Variants in ACADM observed in about 807,000 individuals in gnomAD.
ACADM encodes the protein medium-chain specific acyl-CoA dehydrogenase, mitochondrial.
In ACADM, 49 loss-of-function variants were observed where a neutral mutation model predicts 58.9. The observed-to-expected ratio is 0.83, with a 90% CI of 0.66 to 1.06. The LOEUF (loss-of-function observed/expected upper bound fraction) is 1.06. ACADM is among the 50% of genes least tolerant of loss of function. The pLI, the probability that ACADM is intolerant of heterozygous loss-of-function variation, is 0.00. For synonymous variants in ACADM, 160 were observed against 157.7 expected, an observed-to-expected ratio of 1.01 and a Z score of -0.11; for missense variants, 496 against 507.0, an observed-to-expected ratio of 0.98 and a Z score of 0.21.
chr1:75,744,141 G>T, intron 7 of ACADM: 1 of 1,579,078 alleles, frequency 6.3e-7, no homozygotes. Context: ...CCAGCTCCTG[G>T]CTCAGCTAGT....
Position 75,761,297 on chromosome 1 carries a change from A to C in ACADM, c.1121A>C (p.Gln374Pro). Reference protein sequence around the residue: ...IANQLATDAVQILGGNGFNTE... With the variant: ...IANQLATDAVPILGGNGFNTE... ...AATCAGTTAGCTACTGATGCTGTGC[A>C]GATACTTGGAGGCAATGGATTTAAT... The change falls in exon 11 of 12, where the codon CAG becomes CCG. Residue 374 changes from glutamine to proline, a missense_variant. Coordinates refer to ENST00000370841, the MANE Select transcript of ACADM (RefSeq NM_000016.6). 5 of 1,614,074 alleles carry C rather than the reference A, an allele frequency of 3.1e-6. No individual in the cohort carries two copies. Among genetic ancestry groups the C allele is most frequent in the Non-Finnish European group, 4.2e-6 (5 of 1,179,916 alleles).
At chr1:75,757,144 A>G (rs1257906890) in intron 10 of ACADM, among the ~76,000 whole-genome samples, 2 of 152,218 alleles carry the variant, frequency 1.3e-5, no homozygotes, top group African/African-American at 2.4e-5. Flanking sequence ...GGACATAGAC[A>G]TGGGCAAGGA....
intron 5 of ACADM, among the ~76,000 whole-genome samples, chr1:75,734,020 CTG>C (rs763259987): frequency 5.9e-5 from 9 of 152,156 alleles, no homozygotes; most frequent in Admixed American, 2.0e-4. Context: ...TTTTCTCACT[CTG>C]TCGCCCAGGC....
intron 10 of ACADM, among the ~76,000 whole-genome samples, chr1:75,758,913 C>T (rs1648666863): frequency 1.3e-5 from 2 of 152,222 alleles, no homozygotes; most frequent in African/African-American, 2.4e-5. Context: ...CTGCTTTGGT[C>T]CCTTTCCACG....
chr1:75,754,487 C>A (rs1469401878), intron 10 of ACADM, among the ~76,000 whole-genome samples: 1 of 152,118 alleles, frequency 6.6e-6, no homozygotes, highest in African/African-American at 2.4e-5. Flanking sequence ...GGATTACAGG[C>A]GTGAGCCACC....
At chr1:75,728,755 T>C (rs1372019949) in intron 2 of ACADM, among the ~76,000 whole-genome samples, 1 of 152,176 alleles carries the variant, frequency 6.6e-6, no homozygotes, top group Non-Finnish European at 1.5e-5. Context: ...TAGCCCAAAA[T>C]AAATGAGATT....
intron 10 of ACADM, among the ~76,000 whole-genome samples, chr1:75,760,871 G>C (rs1248425570): frequency 1.3e-5 from 2 of 151,864 alleles, no homozygotes; most frequent in Non-Finnish European, 2.9e-5. Context: ...GAGGAAGCTG[G>C]GTGTAACTTC....
intron 7 of ACADM, chr1:75,743,790 A>G: frequency 6.5e-7 from 1 of 1,543,216 alleles, no homozygotes; most frequent in Admixed American, 1.7e-5. Context: ...TGATGACTGG[A>G]ACCACCAGAC....
chr1:75,748,983 T>A (rs1648049602), intron 8 of ACADM, among the ~76,000 whole-genome samples: 1 of 152,218 alleles, frequency 6.6e-6, no homozygotes, highest in African/African-American at 2.4e-5. Flanking sequence ...TCAGATTGTG[T>A]TTACTAAATG....
chr1:75,754,374 A>G (rs1232801566), intron 10 of ACADM, among the ~76,000 whole-genome samples: 1 of 151,242 alleles, frequency 6.6e-6, no homozygotes, highest in Non-Finnish European at 1.5e-5. Flanking sequence ...CACCCGGCTA[A>G]TTTTCTTTTG....
chr1:75,751,395 G>A (rs970967236), intron 10 of ACADM, among the ~76,000 whole-genome samples: 13 of 151,620 alleles, frequency 8.6e-5, no homozygotes, highest in African/African-American at 2.9e-4. Flanking sequence ...TTTTTGGGTG[G>A]TGTTATCTCT....
intron 7 of ACADM, among the ~76,000 whole-genome samples, chr1:75,745,095 CAT>C (rs1647821276): frequency 6.6e-6 from 1 of 152,114 alleles, no homozygotes; most frequent in Non-Finnish European, 1.5e-5. Context: ...TTTTCCTACA[CAT>C]ATATACTTAT....
chr1:75,748,535 A>C (rs1648022638), intron 8 of ACADM, among the ~76,000 whole-genome samples: 1 of 152,222 alleles, frequency 6.6e-6, no homozygotes, highest in Admixed American at 6.5e-5. Flanking sequence ...GTGGGATACT[A>C]CTTAGCAGTA....
intron 5 of ACADM, among the ~76,000 whole-genome samples, chr1:75,734,391 G>A (rs550888672): frequency 6.7e-6 from 1 of 150,110 alleles, no homozygotes; most frequent in East Asian, 2.0e-4. Flanking sequence ...TGGCCAGGAT[G>A]GTCTCTATCT....
At position 75,752,607 on chromosome 1, in the gene ACADM, A is replaced by G. The variant is rs543716056; in HGVS notation, c.945+2061A>G. ...ATCTGTTGATTTTTTATTAATGACT[A>G]CTTTTCATTTCCAGAAGTTATATTT... On this transcript the variant is annotated intron_variant, in intron 10 of 11. Transcript: ENST00000370841. Among the ~76,000 whole-genome samples the G allele has an allele frequency of 1.7e-4, 26 of 152,208 alleles. No homozygotes were observed. The South Asian group carries it at 5.4e-3, about 32-fold the overall frequency.
chr1:75,747,570 G>T (rs1394600931), intron 8 of ACADM, among the ~76,000 whole-genome samples: 1 of 152,154 alleles, frequency 6.6e-6, no homozygotes, highest in Non-Finnish European at 1.5e-5. Flanking sequence ...AGAACTATTT[G>T]AACCCAGGAG....
At chr1:75,728,256 G>T in intron 1 of ACADM, 145 bp from the exon 2 acceptor site, 1 of 571,390 alleles carries the variant, frequency 1.8e-6, no homozygotes, top group Non-Finnish European at 3.1e-6. Flanking sequence ...TTTAAATTAT[G>T]ATTGAAGGCA....
chr1:75,757,266 C>A (rs1213780277), intron 10 of ACADM, among the ~76,000 whole-genome samples: 1 of 152,152 alleles, frequency 6.6e-6, no homozygotes, highest in African/African-American at 2.4e-5. Flanking sequence ...TCAGAGTGAA[C>A]AGGCAACCTA....
intron 8 of ACADM, among the ~76,000 whole-genome samples, chr1:75,748,807 A>T (rs977265877): frequency 2.6e-5 from 4 of 152,244 alleles, no homozygotes; most frequent in African/African-American, 9.6e-5. Flanking sequence ...GGTTACACAC[A>T]TATACATTTG....
Sources: allele counts gnomAD v4.1 joint callset (sites outside exome capture counted in the v4.1 genomes callset), GRCh38; gene constraint gnomAD v4.1.1; transcripts MANE v1.5; gene names NCBI Gene and HGNC (gene_info 2026-07-23, HGNC 2026-07-21).